The following CUBN variants were observed in gnomAD, a reference collection of about 807,000 sequenced individuals.
CUBN encodes the protein cubilin.
In CUBN, 282 loss-of-function variants were observed where a neutral mutation model predicts 405.3. That is an observed-to-expected ratio of 0.70 (90% confidence interval 0.63 to 0.77). CUBN has a LOEUF of 0.77. Ranked by LOEUF, CUBN falls within the 30% of genes least tolerant of loss-of-function variation. The pLI, the probability that CUBN is intolerant of heterozygous loss-of-function variation, is 0.00. For synonymous variants in CUBN, 1,684 were observed against 1,617.0 expected (o/e 1.04, Z -0.99); for missense variants, 4,514 against 4,475.2 (o/e 1.01, Z -0.25).
intron 17 of CUBN, among the ~76,000 whole-genome samples, chr10:17,080,284 A>T (rs1835938766): frequency 6.6e-6 from 1 of 152,128 alleles, no homozygotes; most frequent in South Asian, 2.1e-4. Context: ...TTGTGAAGAG[A>T]TGTACAATTT....
intron 15 of CUBN, among the ~76,000 whole-genome samples, chr10:17,086,554 T>G (rs1229525823): frequency 6.6e-5 from 10 of 152,164 alleles, no homozygotes; most frequent in Non-Finnish European, 1.5e-5. Flanking sequence ...AGTAAGTAAG[T>G]ACTACAATGA....
At chr10:17,031,817 G>C (rs1834795782) in intron 27 of CUBN, among the ~76,000 whole-genome samples, 1 of 152,208 alleles carries the variant, frequency 6.6e-6, no homozygotes. Context: ...ATCATCCTTG[G>C]CACCTGTTTG....
chr10:16,891,976 T>C (rs1396029149), intron 54 of CUBN, among the ~76,000 whole-genome samples: 1 of 152,208 alleles, frequency 6.6e-6, no homozygotes, highest in Admixed American at 6.5e-5. Context: ...TACTTGACTA[T>C]TCAACATTTT....
intron 51 of CUBN, among the ~76,000 whole-genome samples, chr10:16,902,895 A>G (rs923945655): frequency 3.3e-5 from 5 of 152,170 alleles, no homozygotes; most frequent in Non-Finnish European, 5.9e-5. Flanking sequence ...CAGGACTGGA[A>G]TTGAGACTTT....
intron 46 of CUBN, 54 bp from the exon 47 acceptor site, chr10:16,915,226 C>T: frequency 6.2e-7 from 1 of 1,609,090 alleles, no homozygotes; most frequent in Non-Finnish European, 8.5e-7. Context: ...TTTCCTTTAC[C>T]CTCTATTCAA....
At chr10:17,033,476 A>G (rs1294419095) in intron 27 of CUBN, among the ~76,000 whole-genome samples, 1 of 152,250 alleles carries the variant, frequency 6.6e-6, no homozygotes, top group African/African-American at 2.4e-5. Flanking sequence ...CTAAGTGTCT[A>G]AAATATATCC....
Position 17,065,134 on chromosome 10 carries a change from C to CT in CUBN, c.3139+373_3139+374insA, listed in dbSNP as rs1835585797. On this transcript the variant is annotated intron_variant, in intron 22 of 66. Coordinates refer to ENST00000377833, the MANE Select transcript of CUBN (RefSeq NM_001081.4). ...TTATCATTTCTCTCTCTCTCTCCCC[C>CT]CCCCCCCACACACACATGCACAGAC... is the stretch of plus-strand genomic sequence containing the variant. Among the ~76,000 whole-genome samples, 2 of 140,282 alleles carry CT rather than the reference C, an allele frequency of 1.4e-5. 1 individual carries two copies. The highest frequency in any genetic ancestry group is 5.8e-5 in the African/African-American group (2 of 34,386). The allele number at this position is 140,282 out of a possible 152,430, so 92.0% of individuals were successfully genotyped here.
At chr10:17,034,593 G>A (rs963264900) in intron 27 of CUBN, among the ~76,000 whole-genome samples, 1 of 152,150 alleles carries the variant, frequency 6.6e-6, no homozygotes, top group African/African-American at 2.4e-5. Flanking sequence ...CAAGGATTTG[G>A]TTAAGTCTGG....
intron 26 of CUBN, 120 bp downstream of exon 26, chr10:17,043,707 C>T: frequency 7.3e-7 from 1 of 1,376,282 alleles, no homozygotes; most frequent in Non-Finnish European, 1.0e-6. Context: ...TTTGAAGGCC[C>T]ACTCTAGGCA....
At position 16,915,889 on chromosome 10, in the gene CUBN, T is replaced by C; in HGVS notation, c.7142A>G (p.Asp2381Gly). The change falls in exon 46 of 67, where the codon GAC becomes GGC. Residue 2381 changes from aspartate to glycine, a missense_variant. Physicochemically the swap from Asp to Gly is moderately conservative, Grantham distance 94 (BLOSUM62 -1). Transcript: ENST00000377833. ...GCCAGAAGAATTCTGAAGGTTAAAG[T>C]CTTCAAAAGAGATGGTGAGATAGTG... ...SGHYLTISFEDFNLQNSSGCE... is the reference protein window; with the variant it reads ...SGHYLTISFEGFNLQNSSGCE... 1.2e-6 allele frequency: 2 copies of C among 1,614,116 alleles called. No individual in the cohort carries two copies. Among genetic ancestry groups the C allele is most frequent in the South Asian group, 1.1e-5 (1 of 91,082 alleles).
intron 27 of CUBN, among the ~76,000 whole-genome samples, chr10:17,040,122 G>T (rs1834984833): frequency 1.3e-5 from 2 of 152,140 alleles, no homozygotes; most frequent in Non-Finnish European, 2.9e-5. Flanking sequence ...TGAAGTCTTT[G>T]TAAGTAAGAC....
At chr10:17,037,896 CA>C (rs1834932992) in intron 27 of CUBN, among the ~76,000 whole-genome samples, 1 of 151,814 alleles carries the variant, frequency 6.6e-6, no homozygotes, top group African/African-American at 2.4e-5. Flanking sequence ...TTCTGAACCA[CA>C]ACCTCTCTCG....
At position 16,920,114 on chromosome 10, in the gene CUBN, G is replaced by T. The variant is rs1209320744; in HGVS notation, c.6670C>A (p.His2224Asn). The T allele has an allele frequency of 3.1e-6, 5 of 1,613,842 alleles. No homozygotes were observed. The highest frequency in any genetic ancestry group is 4.2e-6 in the Non-Finnish European group (5 of 1,179,946). Reference protein sequence around the residue: ...SLACGGNVYIHDADSAGYVTS... With the variant: ...SLACGGNVYINDADSAGYVTS... ...ACATACCCAGCAGAATCAGCATCAT[G>T]GATGTAGACGTTGCCCCCACAGGCT... is the stretch of plus-strand genomic sequence containing the variant. The change falls in exon 44 of 67, where the codon CAT (histidine) becomes AAT (asparagine). Residue 2224 changes from histidine to asparagine, a missense_variant. His to Asn is a moderately conservative substitution (Grantham distance 68, BLOSUM62 1). Transcript: ENST00000377833.
At chr10:17,110,878 T>C in intron 9 of CUBN, 41 bp downstream of exon 9, 1 of 1,614,012 alleles carries the variant, frequency 6.2e-7, no homozygotes, top group Non-Finnish European at 8.5e-7. Context: ...CTGTGTTCCC[T>C]GTGCTGGGGT....
intron 26 of CUBN, 45 bp downstream of exon 26, chr10:17,043,778 CACTT>C (rs1177252104): frequency 1.3e-6 from 2 of 1,582,032 alleles, no homozygotes; most frequent in Non-Finnish European, 1.7e-6. Context: ...CTGGTATTCA[CACTT>C]ACTCTGCCAG....
intron 28 of CUBN, among the ~76,000 whole-genome samples, chr10:17,008,335 C>CGT (rs10678462): frequency 0.038 from 5,267 of 138,786 alleles, 136 homozygotes; most frequent in African/African-American, 0.072. Flanking sequence ...AGTCCCTCCC[C>CGT]GTGTGTGTGT....
At chr10:16,995,567 C>G (rs1204455017) in intron 28 of CUBN, among the ~76,000 whole-genome samples, 1 of 152,006 alleles carries the variant, frequency 6.6e-6, no homozygotes, top group Non-Finnish European at 1.5e-5. Context: ...CTCCTAGGCT[C>G]AAGTGATCCA....
intron 17 of CUBN, among the ~76,000 whole-genome samples, chr10:17,077,529 T>C (rs955716029): frequency 6.6e-6 from 1 of 152,216 alleles, no homozygotes; most frequent in Non-Finnish European, 1.5e-5. Flanking sequence ...TACTATAATT[T>C]CTAAAATAAT....
intron 37 of CUBN, among the ~76,000 whole-genome samples, chr10:16,939,408 TG>T (rs1400911490): frequency 6.6e-6 from 1 of 152,140 alleles, no homozygotes; most frequent in East Asian, 1.9e-4. Flanking sequence ...CTAGGGGACT[TG>T]GGGACATGGG....
Sources: gnomAD v4.1 joint callset for allele counts (sites outside exome capture counted in the v4.1 genomes callset) on GRCh38, gnomAD v4.1.1 for gene constraint, MANE v1.5 for transcripts, NCBI Gene and HGNC (gene_info 2026-07-23, HGNC 2026-07-21) for gene names.